Variants in NFIA observed in about 807,000 individuals in gnomAD.
NFIA encodes the protein nuclear factor 1 A-type.
Under a neutral mutation model 62.8 loss-of-function variants are expected in NFIA, and 8 were observed. That is an observed-to-expected ratio of 0.13 (90% CI 0.07 to 0.23). The LOEUF (loss-of-function observed/expected upper bound fraction) is 0.23. NFIA is among the 10% of genes least tolerant of loss of function. NFIA has a pLI of 1.00. For missense variants in NFIA, 410 were observed against 642.1 expected (o/e 0.64, Z 3.91); for synonymous variants, 235 against 238.1 (o/e 0.99, Z 0.12).
intron 7 of NFIA, among the ~76,000 whole-genome samples, chr1:61,384,393 G>A (rs1664575180): frequency 6.6e-6 from 1 of 152,166 alleles, no homozygotes; most frequent in Non-Finnish European, 1.5e-5. Flanking sequence ...TCATATTGAA[G>A]AAAGTAAGCA....
In NFIA at chr1:61,330,436, A is replaced by ACG. The variant is rs1553173845; in HGVS notation, c.626-2075_626-2074insGC. ...ATAAAATAACTTAGGAAATAGATAC[A>ACG]CCCCCCCCACACACACACACACACG... On this transcript the variant is annotated intron_variant, in intron 3 of 10. Coordinates refer to ENST00000403491, the MANE Select transcript of NFIA (RefSeq NM_001134673.4). 3.2e-5 allele frequency among the ~76,000 whole-genome samples: 2 copies of ACG among 63,480 alleles called. 1 individual carries two copies. The highest frequency in any genetic ancestry group is 6.8e-5 in the Non-Finnish European group (2 of 29,406). The allele number at this position is 63,480 out of a possible 152,430, so 41.6% of individuals were successfully genotyped here. A position where few individuals can be genotyped will look rare whatever the true frequency, so the allele number is the denominator to read the frequency against.
rs559599816 is a variant in NFIA at position 61,292,069 on chromosome 1, C to T, written c.625+14484C>T. 4.6e-5 allele frequency among the ~76,000 whole-genome samples: 7 copies of T among 152,250 alleles called. No homozygotes were observed. In the South Asian group the frequency reaches 6.2e-4, roughly 14 times the overall value. On this transcript the variant is annotated intron_variant, in intron 3 of 10. Transcript: ENST00000403491. Reference sequence around the variant, plus strand: ...ATTCCACATTTTCCTCAGGATACCTCGCAGACCATGGGTGACACATGACCA... The same window carrying T: ...ATTCCACATTTTCCTCAGGATACCTTGCAGACCATGGGTGACACATGACCA...
At chr1:61,422,719 C>A (rs1185394144) in intron 9 of NFIA, among the ~76,000 whole-genome samples, 2 of 143,916 alleles carry the variant, frequency 1.4e-5, no homozygotes, top group African/African-American at 2.7e-5. Flanking sequence ...CCAGCCTGAG[C>A]AACATGGCGA....
rs760508037 is a variant in NFIA at position 61,193,970 on chromosome 1, G to T, written c.560-83550G>T. 3.5e-4 allele frequency among the ~76,000 whole-genome samples: 54 copies of T among 152,290 alleles called. No individual in the cohort carries two copies. In the Middle Eastern group the frequency reaches 0.01, roughly 29 times the overall value. On this transcript the variant is annotated intron_variant, in intron 2 of 10. Coordinates refer to ENST00000403491, the MANE Select transcript of NFIA (RefSeq NM_001134673.4). ...ACTTAACTTTTGGACCCAATTAACT[G>T]ATTGGCCTGATGAATTTAATTAAAA...
intron 6 of NFIA, among the ~76,000 whole-genome samples, chr1:61,361,571 T>C (rs1663291896): frequency 6.6e-6 from 1 of 152,154 alleles, no homozygotes; most frequent in African/African-American, 2.4e-5. Flanking sequence ...TCTAGGTCCT[T>C]GCATTTAATT....
In NFIA at chr1:61,082,580, T is replaced by G; in HGVS notation, c.-212T>G. 4.7e-6 allele frequency: 7 copies of G among 1,476,332 alleles called. No individual in the cohort carries two copies. Among genetic ancestry groups the G allele is most frequent in the Non-Finnish European group, 4.5e-6 (5 of 1,109,146 alleles). The allele number at this position is 1,476,332 out of a possible 1,614,324, so 91.5% of individuals were successfully genotyped here. On this transcript the variant is annotated 5_prime_UTR_variant, in exon 1 of 11. It removes an upstream start codon present in the reference 5' UTR. Coordinates refer to ENST00000403491, the MANE Select transcript of NFIA (RefSeq NM_001134673.4). ...CTAGGCGGGGTTAAAGTTCAGCTCA[T>G]GGAGCGGCAATAGCGCTGGCTGGCT...
At chr1:61,360,821 A>G (rs1451758354) in intron 6 of NFIA, among the ~76,000 whole-genome samples, 1 of 152,244 alleles carries the variant, frequency 6.6e-6, no homozygotes, top group East Asian at 1.9e-4. Context: ...TCATAATTAA[A>G]CACAAAACAA....
Position 61,168,343 on chromosome 1 carries a change from G to C in NFIA, c.559+79663G>C, listed in dbSNP as rs74090307. Among the ~76,000 whole-genome samples, 590 of 152,230 alleles carry C rather than the reference G, an allele frequency of 3.9e-3. 3 individuals are homozygous for C. Among genetic ancestry groups the C allele is most frequent in the African/African-American group, 0.014 (572 of 41,550 alleles). ...ACACCTACTTCTGCCTAAATTGGCT[G>C]TCTCTGCGTGTGCATGTATATTAAA... is the stretch of plus-strand genomic sequence containing the variant. On this transcript the variant is annotated intron_variant, in intron 2 of 10. Coordinates refer to ENST00000403491, the MANE Select transcript of NFIA (RefSeq NM_001134673.4).
intron 2 of NFIA, among the ~76,000 whole-genome samples, chr1:61,229,301 C>T (rs187478271): frequency 2.6e-5 from 4 of 152,000 alleles, no homozygotes; most frequent in East Asian, 3.9e-4. Context: ...CAATATAACC[C>T]GCAAATTACT....
intron 10 of NFIA, among the ~76,000 whole-genome samples, chr1:61,432,663 A>G (rs1156476806): frequency 6.6e-6 from 1 of 151,896 alleles, no homozygotes; most frequent in Non-Finnish European, 1.5e-5. Flanking sequence ...ACATATATAT[A>G]CAGAGATATA....
intron 2 of NFIA, among the ~76,000 whole-genome samples, chr1:61,198,672 T>C (rs1268756116): frequency 6.6e-6 from 1 of 152,202 alleles, no homozygotes; most frequent in African/African-American, 2.4e-5. Context: ...AAGGCAGTGC[T>C]GAATAGTGGG....
intron 2 of NFIA, among the ~76,000 whole-genome samples, chr1:61,122,478 TA>T (rs1324928928): frequency 6.6e-6 from 1 of 152,144 alleles, no homozygotes; most frequent in Non-Finnish European, 1.5e-5. Context: ...TCTCCTGACA[TA>T]AAAAAAGGTG....
intron 2 of NFIA, among the ~76,000 whole-genome samples, chr1:61,228,137 T>C (rs995297922): frequency 6.6e-6 from 1 of 152,238 alleles, no homozygotes; most frequent in Non-Finnish European, 1.5e-5. Flanking sequence ...ACACTATTTC[T>C]GAAGGTTTTT....
chr1:61,424,851 A>T (rs1666795800), intron 9 of NFIA, among the ~76,000 whole-genome samples: 1 of 152,236 alleles, frequency 6.6e-6, no homozygotes, highest in African/African-American at 2.4e-5. Context: ...TAAAAAAATT[A>T]AATTACCCCC....
intron 9 of NFIA, among the ~76,000 whole-genome samples, chr1:61,424,697 T>C (rs1399838836): frequency 1.3e-5 from 2 of 152,280 alleles, no homozygotes; most frequent in African/African-American, 2.4e-5. Flanking sequence ...CTCTTTGTGC[T>C]CTAAGAGCAG....
chr1:61,270,807 C>T (rs775755377), intron 2 of NFIA, among the ~76,000 whole-genome samples: 14 of 152,256 alleles, frequency 9.2e-5, no homozygotes, highest in Admixed American at 7.8e-4. Flanking sequence ...GGTAGGTGAT[C>T]GGGTAGACTC....
chr1:61,409,309 T>A (rs1665991302), intron 9 of NFIA, among the ~76,000 whole-genome samples: 1 of 152,254 alleles, frequency 6.6e-6, no homozygotes, highest in South Asian at 2.1e-4. Context: ...ATCATTCATT[T>A]TAGCCCTTGT....
At chr1:61,139,631 G>C (rs1196928421) in intron 2 of NFIA, among the ~76,000 whole-genome samples, 1 of 152,240 alleles carries the variant, frequency 6.6e-6, no homozygotes, top group East Asian at 1.9e-4. Context: ...CTGAGTCACT[G>C]GTGCCTGCTG....
chr1:61,284,037 T>C (rs1658327616), intron 3 of NFIA, among the ~76,000 whole-genome samples: 2 of 152,264 alleles, frequency 1.3e-5, no homozygotes. Flanking sequence ...TTTCATAATT[T>C]GCATGACTTT....
Sources: gnomAD v4.1 joint callset for allele counts (sites outside exome capture counted in the v4.1 genomes callset) on GRCh38, gnomAD v4.1.1 for gene constraint, MANE v1.5 for transcripts, NCBI Gene and HGNC (gene_info 2026-07-23, HGNC 2026-07-21) for gene names.